The following GET1 variants were observed in gnomAD, a reference collection of about 807,000 sequenced individuals.
GET1 encodes guided entry of tail-anchored proteins factor 1, also known as congenital heart disease 5 protein.
Under a neutral mutation model 22.6 loss-of-function variants are expected in GET1, and 20 were observed. The ratio of observed to expected loss-of-function variants is 0.89; its 90% CI spans 0.62 to 1.29. GET1 has a LOEUF of 1.29. Among genes scored for constraint, GET1 ranks in the 50% most tolerant of loss-of-function variants. GET1 has a pLI of 0.00. For missense variants in GET1, 209 were observed against 219.9 expected, an observed-to-expected ratio of 0.95 and a Z score of 0.31; for synonymous variants, 92 against 83.8, an observed-to-expected ratio of 1.10 and a Z score of -0.53.
rs1157502136 is a variant in GET1 at position 39,406,360 on chromosome 21, G to A, written c.*376G>A. The A allele has an allele frequency of 4.3e-6, 7 of 1,614,038 alleles. No individual in the cohort carries two copies. The African/African-American group carries it at 9.3e-5, about 22-fold the overall frequency. On this transcript the variant is annotated 3_prime_UTR_variant, in exon 5 of 5. Transcript: ENST00000415847. ...TTGTCTGAGGGGGCCTTTCGTGTAG[G>A]GAGCAGTGCCTTTGCCAAGTGTGTC...
chr21:39,402,248 C>T (rs1448720028), downstream of GET1, among the ~76,000 whole-genome samples: 4 of 152,042 alleles, frequency 2.6e-5, no homozygotes, highest in Admixed American at 6.5e-5. Flanking sequence ...GGATTACAGG[C>T]GTGCACGACC....
chr21:39,409,285 C>T (rs1196425609), downstream of GET1, among the ~76,000 whole-genome samples: 3 of 152,108 alleles, frequency 2.0e-5, no homozygotes, highest in Non-Finnish European at 4.4e-5. The surrounding 1 kb of genome is among the most constrained non-coding windows in gnomAD (Gnocchi z 4.2). Flanking sequence ...ACCTTGATCT[C>T]GGACTTCCTA....
chr21:39,403,467 A>C (rs111993545), intron 4 of GET1, among the ~76,000 whole-genome samples: 37,687 of 146,032 alleles, frequency 0.26, 5,254 homozygotes, highest in African/African-American at 0.39. Flanking sequence ...GCTGGGACTA[A>C]AGGCGCCGCC....
At chr21:39,395,686 C>G (rs1038705312) in intron 4 of GET1, among the ~76,000 whole-genome samples, 15 of 152,118 alleles carry the variant, frequency 9.9e-5, no homozygotes, top group African/African-American at 3.4e-4. Context: ...TTCAAAGACT[C>G]CCAATTTAGC....
chr21:39,424,079 C>T (rs1188259103), intron 1 of GET1, among the ~76,000 whole-genome samples: 1 of 152,088 alleles, frequency 6.6e-6, no homozygotes, highest in Non-Finnish European at 1.5e-5. Context: ...GTGGTGCAAC[C>T]TTGGCTCACT....
intron 4 of GET1, among the ~76,000 whole-genome samples, chr21:39,404,593 T>C (rs1248439518): frequency 2.0e-5 from 3 of 151,606 alleles, no homozygotes; most frequent in African/African-American, 7.3e-5. Flanking sequence ...CTAATAAAAA[T>C]AGAAAAATTA....
intron 1 of GET1, among the ~76,000 whole-genome samples, chr21:39,388,128 A>C (rs1050220109): frequency 2.0e-5 from 3 of 152,112 alleles, no homozygotes; most frequent in Admixed American, 6.5e-5. Flanking sequence ...TAATCCCAGC[A>C]CTTTGGGAGG....
chr21:39,390,665 G>C, intron 1 of GET1, 33 bp from the exon 2 acceptor site: 8 of 1,611,988 alleles, frequency 5.0e-6, no homozygotes, highest in Non-Finnish European at 6.8e-6. Context: ...ACCCGTGTTG[G>C]AAGGTGCTGA....
At chr21:39,425,801 G>A (rs1428014115) in intron 1 of GET1, 1 of 152,380 alleles carries the variant, frequency 6.6e-6, no homozygotes, top group Non-Finnish European at 1.5e-5. Flanking sequence ...ATTTCACTGA[G>A]ATGAGAAGGA....
chr21:39,385,050 A>AT (rs2037796369), intron 1 of GET1, among the ~76,000 whole-genome samples: 2 of 152,116 alleles, frequency 1.3e-5, no homozygotes, highest in South Asian at 4.1e-4. Context: ...GTAGGGTCAA[A>AT]TGCTGCTCCT....
downstream of GET1, among the ~76,000 whole-genome samples, chr21:39,399,927 T>A (rs62225174): frequency 7.5e-6 from 1 of 134,218 alleles, no homozygotes. Context: ...TTTTTTTTTT[T>A]AAGTAGAGAC....
intron 2 of GET1, chr21:39,391,433 TACTGTGC>T: frequency 3.2e-6 from 1 of 313,750 alleles, no homozygotes. Context: ...GGGGTTCGTG[TACTGTGC>T]ACACTGGGAA....
chr21:39,414,396 C>T (rs1329403347), intron 1 of GET1: 1 of 152,012 alleles, frequency 6.6e-6, no homozygotes, highest in Admixed American at 6.6e-5. Context: ...CAGAAGTGGG[C>T]CTAGAACTCG....
chr21:39,392,901 C>T (rs1176016646), intron 3 of GET1: 2 of 399,566 alleles, frequency 5.0e-6, no homozygotes, highest in Non-Finnish European at 9.0e-6. Flanking sequence ...TGCCAGTTCA[C>T]ATAGGAAGGC....
At position 39,397,242 on chromosome 21, in the gene GET1, C is replaced by G. The variant is rs1163998263; in HGVS notation, c.*303C>G. The G allele has an allele frequency of 3.6e-6, 1 of 274,890 alleles. No homozygotes were observed. Among genetic ancestry groups the G allele is most frequent in the African/African-American group, 2.2e-5 (1 of 45,342 alleles). 17.0% of individuals were successfully genotyped at this position (274,890 alleles called of 1,614,324 possible). A position where few individuals can be genotyped will look rare whatever the true frequency, so the allele number is the denominator to read the frequency against. On this transcript the variant is annotated 3_prime_UTR_variant, in exon 5 of 5. Transcript: ENST00000649170. ...CATGCTGTCACTTGTGATTTGCCCT[C>G]TTATGTATTTTGGTCATATTGCCAA...
At chr21:39,391,328 G>A (rs2038282377) in intron 2 of GET1, 1 of 236,186 alleles carries the variant, frequency 4.2e-6, no homozygotes, top group Admixed American at 5.3e-5. Context: ...GAGGGACCCC[G>A]GTCACAGTGT....
chr21:39,410,696 C>T (rs975797600), downstream of GET1: 3 of 386,382 alleles, frequency 7.8e-6, no homozygotes, highest in African/African-American at 6.3e-5. Context: ...ACCGAGCTAT[C>T]CTGTGGCGGA....
intron 1 of GET1, among the ~76,000 whole-genome samples, chr21:39,424,796 C>T (rs1482983285): frequency 6.6e-6 from 1 of 152,148 alleles, no homozygotes; most frequent in Non-Finnish European, 1.5e-5. Context: ...TGGCATGTGT[C>T]CAGGGGTCTA....
At chr21:39,417,211 T>C (rs985950303) in intron 1 of GET1, among the ~76,000 whole-genome samples, 1 of 152,064 alleles carries the variant, frequency 6.6e-6, no homozygotes, top group Non-Finnish European at 1.5e-5. Flanking sequence ...TTTTTTATTT[T>C]TGTATTTTTG....
Sources: gnomAD v4.1 joint callset for allele counts (sites outside exome capture counted in the v4.1 genomes callset) on GRCh38, gnomAD v4.1.1 for gene constraint, Gnocchi (gnomAD v3.1) non-coding constraint, MANE v1.5 for transcripts, NCBI Gene and HGNC (gene_info 2026-07-23, HGNC 2026-07-21) for gene names.